The following PEX5L variants were observed in gnomAD, a reference collection of about 807,000 sequenced individuals.
PEX5L encodes peroxisomal biogenesis factor 5 like.
In PEX5L, 30 loss-of-function variants were observed where a neutral mutation model predicts 84.0. The observed-to-expected ratio is 0.36, with a 90% CI of 0.27 to 0.48. The LOEUF (loss-of-function observed/expected upper bound fraction) is 0.48, where lower values mean the gene tolerates loss of function less well. PEX5L is among the 20% of genes least tolerant of loss of function. The pLI, the probability that PEX5L is intolerant of heterozygous loss-of-function variation, is 0.99. For synonymous variants in PEX5L, 270 were observed against 283.1 expected, an observed-to-expected ratio of 0.95 and a Z score of 0.46; for missense variants, 533 against 754.6, an observed-to-expected ratio of 0.71 and a Z score of 3.44.
intron 1 of PEX5L, among the ~76,000 whole-genome samples, chr3:179,988,311 G>A (rs1015153410): frequency 6.6e-6 from 1 of 151,964 alleles, no homozygotes; most frequent in African/African-American, 2.4e-5. Flanking sequence ...TGAGGCAGGA[G>A]AATCGCTTGA....
chr3:179,987,394 G>T (rs535733742), intron 1 of PEX5L, among the ~76,000 whole-genome samples: 1 of 151,850 alleles, frequency 6.6e-6, no homozygotes. Flanking sequence ...TTAGAAAAAC[G>T]CACTAAAGAT....
intron 1 of PEX5L, among the ~76,000 whole-genome samples, chr3:180,011,773 C>T (rs189615847): frequency 1.3e-4 from 20 of 152,300 alleles, no homozygotes; most frequent in Non-Finnish European, 2.8e-4. Flanking sequence ...TCCTCCTGCT[C>T]CCTTCCCTTT....
At position 179,798,780 on chromosome 3, in the gene PEX5L, A is replaced by G. The variant is rs567132196; in HGVS notation, c.*3048T>C. On this transcript the variant is annotated 3_prime_UTR_variant, in exon 15 of 15. Transcript: ENST00000467460. Reference sequence around the variant, plus strand: ...GACAATTTCATGCCATGAAGATAAGATGCCAAAAATTGTTCTGCCAAAAAA... The same window carrying G: ...GACAATTTCATGCCATGAAGATAAGGTGCCAAAAATTGTTCTGCCAAAAAA... 6.6e-6 allele frequency: 1 copy of G among 152,326 alleles called. No homozygotes were observed. Among genetic ancestry groups the G allele is most frequent in the Admixed American group, 6.5e-5 (1 of 15,298 alleles). 9.4% of individuals were successfully genotyped at this position (152,326 alleles called of 1,614,324 possible).
Position 179,912,389 on chromosome 3 carries a change from A to T in PEX5L, c.94-14143T>A, listed in dbSNP as rs1325312451. ...GAATTATGGCCTTTTGGGTCCAAAG[A>T]TAAAAGCAACTACATGATACTGATG... On this transcript the variant is annotated intron_variant, in intron 2 of 14. Coordinates refer to ENST00000467460, the MANE Select transcript of PEX5L (RefSeq NM_016559.3). 2.0e-5 allele frequency among the ~76,000 whole-genome samples: 3 copies of T among 152,236 alleles called. No homozygotes were observed. The East Asian group carries it at 5.8e-4, about 29-fold the overall frequency.
chr3:179,921,678 A>G (rs560033403), intron 2 of PEX5L: 8 of 152,310 alleles, frequency 5.3e-5, no homozygotes, highest in South Asian at 4.1e-4. Context: ...AGGGACAGCT[A>G]CTGTGTCATC....
intron 8 of PEX5L, among the ~76,000 whole-genome samples, chr3:179,829,402 A>G (rs991694865): frequency 6.6e-6 from 1 of 152,234 alleles, no homozygotes; most frequent in Admixed American, 6.5e-5. Flanking sequence ...ACAGTGATTA[A>G]GAGCAGGAAT....
intron 1 of PEX5L, among the ~76,000 whole-genome samples, chr3:180,002,135 A>T (rs565495096): frequency 6.6e-6 from 1 of 152,220 alleles, no homozygotes; most frequent in South Asian, 2.1e-4. Flanking sequence ...TCAACTTTTT[A>T]AAAAATACGA....
At chr3:179,899,811 A>T (rs1323786855) in intron 2 of PEX5L, among the ~76,000 whole-genome samples, 1 of 152,192 alleles carries the variant, frequency 6.6e-6, no homozygotes, top group Non-Finnish European at 1.5e-5. Flanking sequence ...TGGAATATCA[A>T]ATACTAGAGA....
intron 8 of PEX5L, among the ~76,000 whole-genome samples, chr3:179,851,289 G>C (rs1447548074): frequency 6.6e-6 from 1 of 152,186 alleles, no homozygotes; most frequent in Non-Finnish European, 1.5e-5. Context: ...GGCAGATTAG[G>C]TGTCTGGTGA....
intron 1 of PEX5L, among the ~76,000 whole-genome samples, chr3:180,031,062 A>C (rs902081007): frequency 6.6e-6 from 1 of 150,986 alleles, no homozygotes; most frequent in Non-Finnish European, 1.5e-5. Context: ...TCTTACATGG[A>C]GTATGACAAT....
intron 7 of PEX5L, among the ~76,000 whole-genome samples, chr3:179,866,238 C>T (rs956227315): frequency 2.0e-5 from 3 of 152,140 alleles, no homozygotes; most frequent in African/African-American, 7.2e-5. Flanking sequence ...TTGTTAATAG[C>T]TTCTCATACA....
intron 1 of PEX5L, among the ~76,000 whole-genome samples, chr3:179,976,583 A>G (rs2339918): frequency 0.39 from 59,960 of 151,844 alleles, 12,522 homozygotes; most frequent in East Asian, 0.75. Context: ...GATTACAGGC[A>G]CGTGCCACCA....
chr3:179,916,519 G>T lies in PEX5L; in HGVS notation c.94-18273C>A, dbSNP rs141003047. 2.6e-3 allele frequency among the ~76,000 whole-genome samples: 401 copies of T among 152,244 alleles called. 5 individuals carry two copies. Among genetic ancestry groups the T allele is most frequent in the African/African-American group, 9.1e-3 (378 of 41,542 alleles). ...CTCTGGGTGAGTCAATGAGTCTGAA[G>T]GCCTGAGACATTACTGTATACTACT... On this transcript the variant is annotated intron_variant, in intron 2 of 14. Transcript: ENST00000467460.
intron 7 of PEX5L, among the ~76,000 whole-genome samples, chr3:179,871,230 G>A (rs1168050392): frequency 1.3e-5 from 2 of 150,450 alleles, no homozygotes; most frequent in African/African-American, 2.5e-5. Context: ...AGCCTCCTGC[G>A]TAGCTGGGAC....
At chr3:179,868,042 CTTTTTT>C (rs71628101) in intron 7 of PEX5L, among the ~76,000 whole-genome samples, 4 of 116,362 alleles carry the variant, frequency 3.4e-5, no homozygotes, top group African/African-American at 9.6e-5. Context: ...TCTTCTTCTT[CTTTTTT>C]TTTTTTTTTT....
At position 179,977,838 on chromosome 3, in the gene PEX5L, G is replaced by A. The variant is rs548296305; in HGVS notation, c.22-6173C>T. Among the ~76,000 whole-genome samples the A allele has an allele frequency of 5.9e-5, 9 of 152,164 alleles. No individual in the cohort carries two copies. The East Asian group carries it at 1.5e-3, about 26-fold the overall frequency. On this transcript the variant is annotated intron_variant, in intron 1 of 14. Coordinates refer to ENST00000467460, the MANE Select transcript of PEX5L (RefSeq NM_016559.3). Reference sequence around the variant, plus strand: ...TGGCATTTTTTAAAGAACAATTTTTGTCTTGTCTTTTTAAAAGACACTCAT... The same window carrying A: ...TGGCATTTTTTAAAGAACAATTTTTATCTTGTCTTTTTAAAAGACACTCAT...
At chr3:179,888,493 A>AT (rs1756604629) in intron 3 of PEX5L, among the ~76,000 whole-genome samples, 1 of 151,982 alleles carries the variant, frequency 6.6e-6, no homozygotes, top group East Asian at 1.9e-4. Flanking sequence ...TTTCAGTTTG[A>AT]TTTTTTAGTG....
At chr3:179,864,880 T>A (rs1747567744) in intron 7 of PEX5L, among the ~76,000 whole-genome samples, 1 of 152,300 alleles carries the variant, frequency 6.6e-6, no homozygotes, top group South Asian at 2.1e-4. Context: ...GAATGACCCA[T>A]GAATGGCAGT....
intron 3 of PEX5L, among the ~76,000 whole-genome samples, chr3:179,893,549 CT>C (rs1166685950): frequency 6.6e-6 from 1 of 152,144 alleles, no homozygotes; most frequent in Non-Finnish European, 1.5e-5. Flanking sequence ...CTCAAAGTTT[CT>C]GATAACATAT....
Sources: gnomAD v4.1 joint callset for allele counts (sites outside exome capture counted in the v4.1 genomes callset) on GRCh38, gnomAD v4.1.1 for gene constraint, MANE v1.5 for transcripts, NCBI Gene and HGNC (gene_info 2026-07-23, HGNC 2026-07-21) for gene names.